The following CCNJL variants were observed in gnomAD, a reference collection of about 807,000 sequenced individuals.
CCNJL encodes the protein cyclin J like.
Under a neutral mutation model 33.4 loss-of-function variants are expected in CCNJL, and 33 were observed. The ratio of observed to expected loss-of-function variants is 0.99; its 90% confidence interval spans 0.75 to 1.32. The LOEUF (loss-of-function observed/expected upper bound fraction) is 1.32. CCNJL is among the 40% of genes most tolerant of loss of function. The pLI is 0.00. For synonymous variants in CCNJL, 227 were observed against 220.9 expected, an observed-to-expected ratio of 1.03 and a Z score of -0.24; for missense variants, 512 against 499.7, an observed-to-expected ratio of 1.02 and a Z score of -0.23.
At position 160,259,714 on chromosome 5, in the gene CCNJL, C is replaced by T. The variant is rs1761235531; in HGVS notation, c.338G>A (p.Arg113Lys). ...VPKLEQINST[R>K]ILSSQNFTLT... ...GGTGAAGTTCTGGCTGCTCAGGATC[C>T]TCGTGCTGTTTATTTGCTCCAACTT... is the stretch of plus-strand genomic sequence containing the variant. The change falls in exon 4 of 6, where the codon AGG becomes AAG. Residue 113 changes from arginine to lysine, a missense_variant. By Grantham distance (26) the Arg-to-Lys change is conservative. Coordinates refer to ENST00000257536, the MANE Select transcript of CCNJL (RefSeq NM_001308173.3). 2 of 1,613,910 alleles carry T rather than the reference C, an allele frequency of 1.2e-6. No homozygotes were observed. The highest frequency in any genetic ancestry group is 2.2e-5 in the East Asian group (1 of 44,886).
intron 1 of CCNJL, among the ~76,000 whole-genome samples, chr5:160,333,004 G>A (rs984243619): frequency 1.4e-4 from 21 of 152,042 alleles, no homozygotes; most frequent in Non-Finnish European, 2.6e-4. Flanking sequence ...CTCTTCCTCC[G>A]CTGGGCATGG....
chr5:160,254,679 G>A (rs1760974512), intron 5 of CCNJL: 3 of 233,860 alleles, frequency 1.3e-5, no homozygotes, highest in African/African-American at 6.7e-5. Flanking sequence ...TGTGCCTACT[G>A]GGAATGGCTC....
intron 3 of CCNJL, among the ~76,000 whole-genome samples, chr5:160,272,028 C>T (rs1000936004): frequency 1.3e-5 from 2 of 152,194 alleles, no homozygotes; most frequent in African/African-American, 4.8e-5. Context: ...GGAAATATTG[C>T]CCCATTTGCA....
chr5:160,253,616 T>G lies in CCNJL; in HGVS notation c.926A>C (p.Tyr309Ser). The G allele has an allele frequency of 6.2e-7, 1 of 1,613,550 alleles. No individual in the cohort carries two copies. The highest frequency in any genetic ancestry group is 8.5e-7 in the Non-Finnish European group (1 of 1,179,796). The change falls in exon 6 of 6, where the codon TAT becomes TCT. Residue 309 changes from tyrosine (Y) to serine (S), a missense_variant. Physicochemically the swap from Tyr to Ser is moderately radical, Grantham distance 144. Transcript: ENST00000257536. ...ACGGTGGGCCTGCAAGGAGTCCCGA[T>G]AGGCCAAGCATAGGTCCTGCACGGG... The part of the protein sequence containing the change: ...QTPVQDLCLA[Y>S]RDSLQAHRSG...
intron 4 of CCNJL, chr5:160,258,611 T>A (rs374084902): frequency 2.3e-6 from 3 of 1,281,512 alleles, no homozygotes; most frequent in South Asian, 1.2e-5. Flanking sequence ...AGTCTGTGGA[T>A]GCAGCTGTTA....
chr5:160,301,667 C>T (rs1762926138), intron 2 of CCNJL, among the ~76,000 whole-genome samples: 1 of 151,162 alleles, frequency 6.6e-6, no homozygotes, highest in African/African-American at 2.4e-5. Context: ...GAACTCCTGC[C>T]TTTGTGATCC....
At chr5:160,298,222 T>C (rs958682908) in intron 2 of CCNJL, among the ~76,000 whole-genome samples, 1 of 152,076 alleles carries the variant, frequency 6.6e-6, no homozygotes, top group Non-Finnish European at 1.5e-5. Context: ...AGGCCGGGCG[T>C]GGTGGTGCGC....
At chr5:160,272,931 T>C (rs543943156) in intron 3 of CCNJL, among the ~76,000 whole-genome samples, 18 of 152,284 alleles carry the variant, frequency 1.2e-4, no homozygotes, top group African/African-American at 4.3e-4. Flanking sequence ...GCAACCTGAA[T>C]GTCCAAAAAT....
chr5:160,307,399 AC>A, intron 2 of CCNJL, among the ~76,000 whole-genome samples: 1 of 152,298 alleles, frequency 6.6e-6, no homozygotes, highest in South Asian at 2.1e-4. Context: ...GGGACAAGGA[AC>A]GTGGCCCTCA....
chr5:160,335,983 G>A (rs191386647), intron 1 of CCNJL, among the ~76,000 whole-genome samples: 94 of 152,016 alleles, frequency 6.2e-4, no homozygotes, highest in Middle Eastern at 3.4e-3. Flanking sequence ...CCTCCTCATC[G>A]TCCACAATCC....
Position 160,252,982 on chromosome 5 carries a change from G to A in CCNJL, c.*396C>T, listed in dbSNP as rs1760873843. 6.2e-6 allele frequency: 1 copy of A among 160,412 alleles called. No homozygotes were observed. Among genetic ancestry groups the A allele is most frequent in the Non-Finnish European group, 1.4e-5 (1 of 73,620 alleles). 9.9% of individuals were successfully genotyped at this position (160,412 alleles called of 1,614,324 possible). ...ACGCCAGGCTGCCCCTCCTTTTTCA[G>A]CGGTGTAGCTGCCATCAGCAAAGAA... is the stretch of plus-strand genomic sequence containing the variant. On this transcript the variant is annotated 3_prime_UTR_variant, in exon 6 of 6. Coordinates refer to ENST00000257536, the MANE Select transcript of CCNJL (RefSeq NM_001308173.3).
chr5:160,288,360 G>T (rs1762475805), intron 2 of CCNJL, among the ~76,000 whole-genome samples: 1 of 152,084 alleles, frequency 6.6e-6, no homozygotes, highest in Non-Finnish European at 1.5e-5. Context: ...TGTGTTACAA[G>T]GCCCAGCTCA....
intron 2 of CCNJL, among the ~76,000 whole-genome samples, chr5:160,306,815 T>C (rs1381194728): frequency 1.3e-5 from 2 of 152,224 alleles, no homozygotes; most frequent in Non-Finnish European, 2.9e-5. Context: ...TGGGAGGAAT[T>C]ATCTACATTT....
chr5:160,309,274 G>C (rs1429738253), intron 2 of CCNJL, among the ~76,000 whole-genome samples: 1 of 152,186 alleles, frequency 6.6e-6, no homozygotes, highest in Admixed American at 6.5e-5. Flanking sequence ...ACCAAGACTT[G>C]TTTCCATGGT....
upstream of CCNJL, among the ~76,000 whole-genome samples, chr5:160,314,976 T>A (rs916538651): frequency 1.3e-5 from 2 of 152,194 alleles, no homozygotes; most frequent in Non-Finnish European, 2.9e-5. Context: ...TTTTAAACTG[T>A]ATTATTTGAT....
intron 1 of CCNJL, among the ~76,000 whole-genome samples, chr5:160,319,832 G>A (rs998544622): frequency 6.6e-6 from 1 of 152,070 alleles, no homozygotes; most frequent in Admixed American, 6.6e-5. Flanking sequence ...CAGCTACTTG[G>A]GAGGTTGAGG....
At chr5:160,269,105 T>C (rs1393173081) in intron 3 of CCNJL, among the ~76,000 whole-genome samples, 2 of 152,132 alleles carry the variant, frequency 1.3e-5, no homozygotes, top group African/African-American at 2.4e-5. Flanking sequence ...TAGGAGGAAA[T>C]TGTGAAAATG....
At chr5:160,317,869 C>A (rs1763396219), upstream of CCNJL, among the ~76,000 whole-genome samples, 1 of 152,088 alleles carries the variant, frequency 6.6e-6, no homozygotes. Flanking sequence ...ATTCTTTTTT[C>A]CTCTTCCTGG....
chr5:160,289,777 CTGGTCCT>C (rs1762524567), intron 2 of CCNJL, among the ~76,000 whole-genome samples: 1 of 152,204 alleles, frequency 6.6e-6, no homozygotes, highest in Admixed American at 6.5e-5. Flanking sequence ...AGGCATGTGT[CTGGTCCT>C]TGGCTGCTTT....
Sources: gnomAD v4.1 joint callset for allele counts (sites outside exome capture counted in the v4.1 genomes callset) on GRCh38, gnomAD v4.1.1 for gene constraint, MANE v1.5 for transcripts, NCBI Gene and HGNC (gene_info 2026-07-23, HGNC 2026-07-21) for gene names.